The following KCNIP4 variants were observed in gnomAD, a reference collection of about 807,000 sequenced individuals.
KCNIP4 encodes Kv channel-interacting protein 4.
Under a neutral mutation model 34.0 loss-of-function variants are expected in KCNIP4, and 12 were observed. The ratio of observed to expected loss-of-function variants is 0.35; its 90% CI spans 0.23 to 0.57. The LOEUF (loss-of-function observed/expected upper bound fraction) is 0.57, where lower values mean the gene tolerates loss of function less well. KCNIP4 is among the 20% of genes least tolerant of loss of function. The pLI is 0.83. For missense variants in KCNIP4, 238 were observed against 311.7 expected, an observed-to-expected ratio of 0.76 and a Z score of 1.78; for synonymous variants, 124 against 102.2, an observed-to-expected ratio of 1.21 and a Z score of -1.29.
chr4:21,504,335 G>C (rs1303301207), intron 1 of KCNIP4, among the ~76,000 whole-genome samples: 1 of 151,842 alleles, frequency 6.6e-6, no homozygotes, highest in African/African-American at 2.4e-5. Flanking sequence ...GGGCATGGTG[G>C]CGCGTGCCTG....
chr4:21,306,168 A>G (rs1379859748), intron 1 of KCNIP4, among the ~76,000 whole-genome samples: 1 of 152,258 alleles, frequency 6.6e-6, no homozygotes, highest in East Asian at 1.9e-4. Context: ...CTAGCCTCAG[A>G]GAACCTAAGT....
At chr4:21,902,939 G>A (rs927751141) in intron 1 of KCNIP4, among the ~76,000 whole-genome samples, 1 of 152,120 alleles carries the variant, frequency 6.6e-6, no homozygotes, top group Non-Finnish European at 1.5e-5. Flanking sequence ...CTGTTTCTGG[G>A]CATCTTCATA....
chr4:21,251,830 G>C (rs1163678959), intron 1 of KCNIP4, among the ~76,000 whole-genome samples: 21 of 149,546 alleles, frequency 1.4e-4, no homozygotes, highest in South Asian at 6.5e-4. Flanking sequence ...CATGGACACA[G>C]GAAGGGGAAC....
At chr4:21,796,499 C>T (rs1353049195) in intron 1 of KCNIP4, among the ~76,000 whole-genome samples, 1 of 152,212 alleles carries the variant, frequency 6.6e-6, no homozygotes, top group African/African-American at 2.4e-5. Flanking sequence ...CACACATCTT[C>T]ATTTAACTTG....
chr4:21,281,001 C>A (rs1182539753), intron 1 of KCNIP4, among the ~76,000 whole-genome samples: 1 of 151,956 alleles, frequency 6.6e-6, no homozygotes, highest in Non-Finnish European at 1.5e-5. Flanking sequence ...CCACAGCTAT[C>A]ACGTCCTCAA....
intron 1 of KCNIP4, among the ~76,000 whole-genome samples, chr4:20,997,277 G>T (rs141181961): frequency 1.3e-5 from 2 of 152,286 alleles, no homozygotes; most frequent in Admixed American, 1.3e-4. Flanking sequence ...TGTTGTAATG[G>T]TCTATACCAG....
intron 3 of KCNIP4, among the ~76,000 whole-genome samples, chr4:20,763,857 G>A (rs1755161431): frequency 6.6e-6 from 1 of 152,116 alleles, no homozygotes; most frequent in South Asian, 2.1e-4. Flanking sequence ...GCCTCCCACT[G>A]ATGTTGTAAC....
intron 1 of KCNIP4, among the ~76,000 whole-genome samples, chr4:21,195,222 C>G (rs1416514338): frequency 6.6e-6 from 1 of 152,204 alleles, no homozygotes; most frequent in Non-Finnish European, 1.5e-5. Flanking sequence ...GAGGCCAGGG[C>G]AGCAATGCAG....
intron 1 of KCNIP4, among the ~76,000 whole-genome samples, chr4:21,483,476 T>G (rs1483520301): frequency 6.6e-6 from 1 of 151,982 alleles, no homozygotes; most frequent in Non-Finnish European, 1.5e-5. Flanking sequence ...ACGATAGAGT[T>G]CTCATGAGAT....
rs1010712133 is a variant in KCNIP4, at chr4:21,826,002, G to A, written c.61+122569C>T. On this transcript the variant is annotated intron_variant, in intron 1 of 8. Coordinates refer to ENST00000382152, the MANE Select transcript of KCNIP4 (RefSeq NM_025221.6). ...AAGAGCTGAGTATTTCACTAAAGGA[G>A]GACAGCAAGCTCAAAGAACCTAAAG... 2.0e-5 allele frequency among the ~76,000 whole-genome samples: 3 copies of A among 152,166 alleles called. No homozygotes were observed. The Middle Eastern group carries it at 0.01, about 518-fold the overall frequency.
intron 8 of KCNIP4, chr4:20,731,452 A>G: frequency 1.0e-6 from 1 of 985,356 alleles, no homozygotes; most frequent in Non-Finnish European, 1.2e-6. Flanking sequence ...TTCTTTGATA[A>G]CAGGCTACTA....
intron 1 of KCNIP4, among the ~76,000 whole-genome samples, chr4:21,130,317 T>G (rs1344649172): frequency 6.6e-6 from 1 of 152,200 alleles, no homozygotes; most frequent in African/African-American, 2.4e-5. Flanking sequence ...TAGCTGTGTT[T>G]GAGAATCACC....
intron 1 of KCNIP4, among the ~76,000 whole-genome samples, chr4:20,937,357 C>G (rs1731182250): frequency 6.6e-6 from 1 of 150,424 alleles, no homozygotes; most frequent in Non-Finnish European, 1.5e-5. Context: ...GCCTCAGCCT[C>G]CCAAATAGCT....
chr4:21,069,369 A>G (rs2108992408), intron 1 of KCNIP4, among the ~76,000 whole-genome samples: 1 of 152,316 alleles, frequency 6.6e-6, no homozygotes, highest in South Asian at 2.1e-4. Context: ...TACTCTGTTG[A>G]CAATGCTGAA....
intron 1 of KCNIP4, among the ~76,000 whole-genome samples, chr4:21,799,544 A>C (rs1040055591): frequency 5.3e-5 from 8 of 152,176 alleles, no homozygotes; most frequent in Non-Finnish European, 1.0e-4. Context: ...GCACTCACTA[A>C]AATATTAATA....
chr4:21,321,374 G>A (rs1296485804), intron 1 of KCNIP4, among the ~76,000 whole-genome samples: 1 of 152,116 alleles, frequency 6.6e-6, no homozygotes, highest in Non-Finnish European at 1.5e-5. Context: ...GGAGATAAAT[G>A]CCTATTATGT....
chr4:21,307,291 C>T (rs552793569), intron 1 of KCNIP4, among the ~76,000 whole-genome samples: 18 of 152,174 alleles, frequency 1.2e-4, no homozygotes, highest in African/African-American at 4.1e-4. Context: ...TTGTATTTCC[C>T]TCTCTTGCAG....
intron 1 of KCNIP4, among the ~76,000 whole-genome samples, chr4:21,191,760 T>A (rs1247460668): frequency 9.9e-5 from 15 of 152,232 alleles, no homozygotes; most frequent in Admixed American, 9.8e-4. Flanking sequence ...CCAAATAGTA[T>A]GGCTTTTATT....
rs998765063 is a variant in KCNIP4, at chr4:20,955,295, G to A, written c.62-72586C>T. Among the ~76,000 whole-genome samples the A allele has an allele frequency of 7.2e-5, 11 of 152,146 alleles. No individual in the cohort carries two copies. The East Asian group carries it at 1.5e-3, about 21-fold the overall frequency. ...GTAACTAAGTCCTAATAAATGTAGC[G>A]CTTTTCCCTCAAACAGCTATTAATA... On this transcript the variant is annotated intron_variant, in intron 1 of 8. Coordinates refer to ENST00000382152, the MANE Select transcript of KCNIP4 (RefSeq NM_025221.6).
Sources: allele counts gnomAD v4.1 joint callset (sites outside exome capture counted in the v4.1 genomes callset), GRCh38; gene constraint gnomAD v4.1.1; transcripts MANE v1.5; gene names NCBI Gene and HGNC (gene_info 2026-07-23, HGNC 2026-07-21).